ACKR3: variants seen among roughly 807,000 people sequenced by gnomAD.
ACKR3 encodes the protein C-X-C chemokine receptor type 7.
ACKR3 carries 6 observed loss-of-function variants against 22.4 expected under a neutral mutation model. The observed-to-expected ratio is 0.27, with a 90% confidence interval of 0.15 to 0.53. The LOEUF (loss-of-function observed/expected upper bound fraction) is 0.53, where lower values mean the gene tolerates loss of function less well. Among genes scored for constraint, ACKR3 ranks in the 20% least tolerant of loss-of-function variants. The pLI is 0.96. For missense variants in ACKR3, 396 were observed against 475.2 expected (o/e 0.83, Z 1.55); for synonymous variants, 209 against 205.2 (o/e 1.02, Z -0.16).
upstream of ACKR3, among the ~76,000 whole-genome samples, chr2:236,563,964 G>T (rs1054649071): frequency 9.9e-5 from 15 of 152,218 alleles, no homozygotes; most frequent in African/African-American, 3.4e-4. Flanking sequence ...CAGCCCCTGT[G>T]ACAGCAGCTG....
chr2:236,551,133 G>A, the ACKR3 span, among the ~76,000 whole-genome samples: 5 of 152,188 alleles, frequency 3.3e-5, no homozygotes, highest in Non-Finnish European at 7.3e-5. Context: ...CACACTTCCC[G>A]AGGGCAGGGC....
At chr2:236,562,622 G>C in the ACKR3 span, among the ~76,000 whole-genome samples, 1 of 152,020 alleles carries the variant, frequency 6.6e-6, no homozygotes, top group Non-Finnish European at 1.5e-5. Flanking sequence ...AGGGACAGCA[G>C]TGTCCCTCAG....
the ACKR3 span, among the ~76,000 whole-genome samples, chr2:236,555,447 G>C: frequency 6.6e-6 from 1 of 152,160 alleles, no homozygotes; most frequent in South Asian, 2.1e-4. Context: ...CCGTTTTGCT[G>C]GTCATGGTGA....
chr2:236,570,823 G>T (rs2106499080), intron 1 of ACKR3, among the ~76,000 whole-genome samples: 1 of 149,976 alleles, frequency 6.7e-6, no homozygotes, highest in African/African-American at 2.5e-5. Context: ...AGTCAGACTG[G>T]CTGTCTCTCT....
At chr2:236,541,688 C>T in the ACKR3 span, among the ~76,000 whole-genome samples, 1 of 152,154 alleles carries the variant, frequency 6.6e-6, no homozygotes, top group Non-Finnish European at 1.5e-5. Flanking sequence ...TGTGTCCCCA[C>T]CCAAATCTCA....
At chr2:236,558,017 C>T in the ACKR3 span, among the ~76,000 whole-genome samples, 59 of 152,326 alleles carry the variant, frequency 3.9e-4, no homozygotes, top group African/African-American at 1.4e-3. Flanking sequence ...AAGGAAACTG[C>T]AGAGACCAGC....
upstream of ACKR3, among the ~76,000 whole-genome samples, chr2:236,569,003 C>A (rs1487508907): frequency 6.6e-6 from 1 of 152,132 alleles, no homozygotes; most frequent in Non-Finnish European, 1.5e-5. Context: ...ATGAGTATCA[C>A]CTGGATCACA....
At chr2:236,542,092 C>T in the ACKR3 span, among the ~76,000 whole-genome samples, 2 of 152,164 alleles carry the variant, frequency 1.3e-5, no homozygotes, top group African/African-American at 2.4e-5. Context: ...CAAGTTAATA[C>T]AGTATGCTCA....
At chr2:236,558,306 C>A in the ACKR3 span, among the ~76,000 whole-genome samples, 1 of 152,110 alleles carries the variant, frequency 6.6e-6, no homozygotes, top group Non-Finnish European at 1.5e-5. Context: ...AATGAAGGGG[C>A]GGGTCATTCA....
At chr2:236,549,017 C>T in the ACKR3 span, among the ~76,000 whole-genome samples, 1 of 152,128 alleles carries the variant, frequency 6.6e-6, no homozygotes, top group Non-Finnish European at 1.5e-5. This position sits in a 1 kb window ranked among gnomAD's most constrained non-coding sequence, Gnocchi z 5.3. Flanking sequence ...AAGTGAAAAA[C>T]CTTAATTACC....
chr2:236,563,958 C>A (rs894515350), upstream of ACKR3, among the ~76,000 whole-genome samples: 1 of 152,178 alleles, frequency 6.6e-6, no homozygotes, highest in East Asian at 1.9e-4. Context: ...AAACTCCAGC[C>A]CCTGTGACAG....
the ACKR3 span, among the ~76,000 whole-genome samples, chr2:236,554,449 G>A: frequency 3.4e-3 from 514 of 152,300 alleles, 1 homozygote; most frequent in Middle Eastern, 0.031. Context: ...GAAGTAAACA[G>A]AACTCTAAGG....
At chr2:236,560,184 A>G in the ACKR3 span, among the ~76,000 whole-genome samples, 1 of 152,156 alleles carries the variant, frequency 6.6e-6, no homozygotes, top group Non-Finnish European at 1.5e-5. Context: ...TTGCTGGATT[A>G]TATGGTAGTT....
chr2:236,545,228 C>G, the ACKR3 span, among the ~76,000 whole-genome samples: 1 of 152,200 alleles, frequency 6.6e-6, no homozygotes, highest in East Asian at 1.9e-4. This position sits in a 1 kb window ranked among gnomAD's most constrained non-coding sequence, Gnocchi z 5.3. Flanking sequence ...GGATGTGAGA[C>G]AAACGCCCTG....
chr2:236,565,771 G>T (rs546323243), upstream of ACKR3, among the ~76,000 whole-genome samples: 1 of 152,314 alleles, frequency 6.6e-6, no homozygotes, highest in East Asian at 1.9e-4. Flanking sequence ...AGGGTTCCAA[G>T]CCAGGTTGTC....
At chr2:236,541,096 C>T in the ACKR3 span, among the ~76,000 whole-genome samples, 1 of 152,198 alleles carries the variant, frequency 6.6e-6, no homozygotes, top group African/African-American at 2.4e-5. Context: ...AAAGCATTGA[C>T]TGGCTATCCT....
the ACKR3 span, among the ~76,000 whole-genome samples, chr2:236,555,580 C>T: frequency 6.6e-6 from 1 of 152,082 alleles, no homozygotes; most frequent in Non-Finnish European, 1.5e-5. Context: ...AGCTCTGATT[C>T]CAGCTTGAGA....
At chr2:236,544,547 G>A in the ACKR3 span, among the ~76,000 whole-genome samples, 2 of 152,204 alleles carry the variant, frequency 1.3e-5, no homozygotes, top group Non-Finnish European at 2.9e-5. This position sits in a 1 kb window ranked among gnomAD's most constrained non-coding sequence, Gnocchi z 5.0. Context: ...CAAGGCTGAG[G>A]GCTCGTAGCT....
the ACKR3 span, among the ~76,000 whole-genome samples, chr2:236,552,311 G>A: frequency 6.6e-6 from 1 of 152,176 alleles, no homozygotes; most frequent in Non-Finnish European, 1.5e-5. Flanking sequence ...GCTGGGGAGA[G>A]AAGGGCTGAT....
Sources: allele counts gnomAD v4.1 joint callset (sites outside exome capture counted in the v4.1 genomes callset), GRCh38; gene constraint gnomAD v4.1.1; non-coding constraint Gnocchi (gnomAD v3.1); transcripts MANE v1.5; gene names NCBI Gene and HGNC (gene_info 2026-07-23, HGNC 2026-07-21).